The following CFAP54 variants were observed in gnomAD, a reference collection of about 807,000 sequenced individuals.
The protein encoded by CFAP54 is cilia and flagella associated protein 54.
Under a neutral mutation model 370.4 loss-of-function variants are expected in CFAP54, and 290 were observed. The ratio of observed to expected loss-of-function variants is 0.78; its 90% CI spans 0.71 to 0.86. The LOEUF is 0.86. CFAP54 is among the 40% of genes least tolerant of loss of function. CFAP54 has a pLI of 0.00. For missense variants in CFAP54, 3,399 were observed against 3,528.7 expected, an observed-to-expected ratio of 0.96 and a Z score of 0.93; for synonymous variants, 1,206 against 1,236.5, an observed-to-expected ratio of 0.98 and a Z score of 0.52.
At chr12:96,717,062 C>T (rs76756112) in intron 48 of CFAP54, among the ~76,000 whole-genome samples, 1,625 of 152,232 alleles carry the variant, frequency 0.011, 21 homozygotes, top group African/African-American at 0.036. Flanking sequence ...CTATGGATGG[C>T]CTATCTGTCT....
At chr12:96,663,474 A>G (rs1957020222) in intron 38 of CFAP54, among the ~76,000 whole-genome samples, 1 of 125,842 alleles carries the variant, frequency 7.9e-6, no homozygotes. Flanking sequence ...TGCATTAATT[A>G]TAAGTAGGGT....
chr12:96,779,152 A>G (rs1958556587), intron 60 of CFAP54, among the ~76,000 whole-genome samples: 1 of 151,016 alleles, frequency 6.6e-6, no homozygotes. Context: ...TTACAGCTTC[A>G]TTAATTAACA....
chr12:96,598,115 T>C (rs892056261), intron 25 of CFAP54, among the ~76,000 whole-genome samples: 3 of 152,052 alleles, frequency 2.0e-5, no homozygotes, highest in Non-Finnish European at 4.4e-5. Context: ...GCTATTCGTC[T>C]AGCTCTTGAT....
chr12:96,631,471 C>T (rs899860304), intron 32 of CFAP54, among the ~76,000 whole-genome samples: 11 of 142,834 alleles, frequency 7.7e-5, no homozygotes, highest in Admixed American at 4.9e-4. Context: ...TTCCAATTTG[C>T]TTTGGAAATT....
At chr12:96,790,219 C>A (rs1958675244) in intron 62 of CFAP54, among the ~76,000 whole-genome samples, 1 of 152,026 alleles carries the variant, frequency 6.6e-6, no homozygotes, top group Non-Finnish European at 1.5e-5. Flanking sequence ...GGACTGTATG[C>A]TTGAATACAG....
At chr12:96,662,791 C>A (rs1264908574) in intron 38 of CFAP54, among the ~76,000 whole-genome samples, 1 of 151,950 alleles carries the variant, frequency 6.6e-6, no homozygotes, top group African/African-American at 2.4e-5. Context: ...GTGCTGCTCC[C>A]CAAACATCCA....
In CFAP54 at chr12:96,788,321, T is replaced by C. The variant is rs181021539; in HGVS notation, c.8679+1423T>C. ...TGAGCACATTTTTCTGCTTCGTAGA[T>C]ACAGAATTTGAGATTCTTGTAGAAA... On this transcript the variant is annotated intron_variant, in intron 62 of 67. Transcript: ENST00000524981. Among the ~76,000 whole-genome samples, 34 of 152,302 alleles carry C rather than the reference T, an allele frequency of 2.2e-4. No individual in the cohort carries two copies. The East Asian group carries it at 6.2e-3, about 28-fold the overall frequency.
In CFAP54 at chr12:96,538,669, G is replaced by A. The variant is rs137985173; in HGVS notation, c.1926+151G>A. ...ATATATAAAGAAGATATTCTTTCTA[G>A]CGCTGAGTGACCCTTTCTTTTAATG... On this transcript the variant is annotated intron_variant, in intron 13 of 67. Coordinates refer to ENST00000524981, the MANE Select transcript of CFAP54 (RefSeq NM_001306084.2). The A allele has an allele frequency of 2.3e-5, 17 of 730,672 alleles. No individual in the cohort carries two copies. In the African/African-American group the frequency reaches 2.7e-4, roughly 12 times the overall value. The allele number at this position is 730,672 out of a possible 1,614,324, so 45.3% of individuals were successfully genotyped here.
intron 13 of CFAP54, among the ~76,000 whole-genome samples, chr12:96,538,959 G>T (rs1288797409): frequency 6.6e-6 from 1 of 151,662 alleles, no homozygotes; most frequent in Admixed American, 6.6e-5. Context: ...TTACCACATT[G>T]CCCAGGCTGG....
chr12:96,548,526 A>T (rs1430573203), intron 15 of CFAP54, among the ~76,000 whole-genome samples: 2 of 152,172 alleles, frequency 1.3e-5, no homozygotes, highest in East Asian at 3.8e-4. Flanking sequence ...TACCAGTCAA[A>T]TGCCATCATG....
chr12:96,798,049 T>C (rs569211110), intron 63 of CFAP54, among the ~76,000 whole-genome samples: 10 of 152,176 alleles, frequency 6.6e-5, no homozygotes, highest in East Asian at 1.9e-4. Context: ...AAAATCTACA[T>C]TGATGTGTAT....
chr12:96,852,685 A>G (rs1959583107), intron 66 of CFAP54, among the ~76,000 whole-genome samples: 1 of 152,156 alleles, frequency 6.6e-6, no homozygotes, highest in African/African-American at 2.4e-5. Flanking sequence ...ATATTTTAAG[A>G]TACCATAAAG....
chr12:96,506,919 G>A lies in CFAP54; in HGVS notation c.568-9G>A, dbSNP rs561962088. ...TCTATTTCTATTTCTATTTTCCCAT[G>A]TGTTTCAGTTTCATGCTTTGAGTGG... On this transcript the variant is annotated splice_polypyrimidine_tract_variant and intron_variant, in intron 3 of 67. Transcript: ENST00000524981. The A allele has an allele frequency of 2.2e-5, 34 of 1,526,754 alleles. No individual in the cohort carries two copies. The South Asian group carries it at 4.1e-4, about 19-fold the overall frequency. The allele number at this position is 1,526,754 out of a possible 1,614,324, so 94.6% of individuals were successfully genotyped here.
chr12:96,639,422 T>C (rs2136485628), intron 32 of CFAP54, among the ~76,000 whole-genome samples: 1 of 152,274 alleles, frequency 6.6e-6, no homozygotes, highest in South Asian at 2.1e-4. Flanking sequence ...GGCTCTGAAA[T>C]TGAGGCAATC....
chr12:96,512,817 TTTACAAG>T (rs1483696867), intron 4 of CFAP54, among the ~76,000 whole-genome samples, 162 bp from the exon 5 acceptor site: 3 of 152,202 alleles, frequency 2.0e-5, no homozygotes, highest in South Asian at 2.1e-4. Flanking sequence ...AATGATTTTG[TTTACAAG>T]TTACAAGAAA....
At chr12:96,709,016 A>G (rs12371350) in intron 48 of CFAP54, among the ~76,000 whole-genome samples, 13,067 of 152,306 alleles carry the variant, frequency 0.086, 805 homozygotes, top group South Asian at 0.28. Context: ...TATATATAAT[A>G]CACTATCATA....
At chr12:96,623,989 A>C in intron 28 of CFAP54, 108 bp downstream of exon 28, 1 of 688,268 alleles carries the variant, frequency 1.5e-6, no homozygotes, top group Non-Finnish European at 2.4e-6. Flanking sequence ...AAACCCTTTA[A>C]GGTTTACACA....
intron 54 of CFAP54, 29 bp downstream of exon 54, chr12:96,743,939 T>C: frequency 6.2e-7 from 1 of 1,602,770 alleles, no homozygotes; most frequent in Non-Finnish European, 8.5e-7. Context: ...CTGCGAGACA[T>C]AGAAACTTAC....
In CFAP54 at chr12:96,627,669, T is replaced by C. The variant is rs117309319; in HGVS notation, c.4103+730T>C. On this transcript the variant is annotated intron_variant, in intron 30 of 67. Coordinates refer to ENST00000524981, the MANE Select transcript of CFAP54 (RefSeq NM_001306084.2). The stretch of plus-strand genomic sequence containing the variant: ...TTTATTAGAACAGAAGCTTAGAGTA[T>C]ATATATGCTTCATATTTTCAAAAGA... Among the ~76,000 whole-genome samples, 1,325 of 152,332 alleles carry C rather than the reference T, an allele frequency of 8.7e-3. 10 individuals carry two copies. The highest frequency in any genetic ancestry group is 0.038 in the South Asian group (182 of 4,824).
Sources: allele counts gnomAD v4.1 joint callset (sites outside exome capture counted in the v4.1 genomes callset), GRCh38; gene constraint gnomAD v4.1.1; transcripts MANE v1.5; gene names NCBI Gene and HGNC (gene_info 2026-07-23, HGNC 2026-07-21).